The following PDE4B variants were observed in gnomAD, a reference collection of about 807,000 sequenced individuals.
The protein encoded by PDE4B is phosphodiesterase 4B.
PDE4B carries 20 observed loss-of-function variants against 82.2 expected under a neutral mutation model. The observed-to-expected ratio is 0.24, with a 90% CI of 0.17 to 0.35. The LOEUF is 0.35. Ranked by LOEUF, PDE4B falls within the 10% of genes least tolerant of loss-of-function variation. The pLI is 1.00. For synonymous variants in PDE4B, 320 were observed against 318.9 expected, an observed-to-expected ratio of 1.00 and a Z score of -0.04; for missense variants, 655 against 907.2, an observed-to-expected ratio of 0.72 and a Z score of 3.57.
At chr1:66,312,623 G>T (rs2101870376) in intron 7 of PDE4B, among the ~76,000 whole-genome samples, 1 of 152,322 alleles carries the variant, frequency 6.6e-6, no homozygotes, top group Non-Finnish European at 1.5e-5. Flanking sequence ...GCTACCTTTT[G>T]CCATAGAACA....
chr1:66,332,695 C>A, intron 8 of PDE4B, 75 bp downstream of exon 8: 1 of 1,161,576 alleles, frequency 8.6e-7, no homozygotes. Context: ...CTGTCTGCAG[C>A]AGAGTGCACC....
At chr1:66,339,422 G>C (rs1660789903) in intron 8 of PDE4B, among the ~76,000 whole-genome samples, 1 of 152,208 alleles carries the variant, frequency 6.6e-6, no homozygotes, top group African/African-American at 2.4e-5. Flanking sequence ...TTTGTAATCT[G>C]TTTTGTTTTA....
intron 3 of PDE4B, among the ~76,000 whole-genome samples, chr1:65,944,059 G>T (rs916438996): frequency 6.6e-6 from 1 of 151,824 alleles, no homozygotes; most frequent in Non-Finnish European, 1.5e-5. Flanking sequence ...CATCATTGTC[G>T]TGATTCATAT....
chr1:66,115,229 T>C (rs1461115152), intron 3 of PDE4B, among the ~76,000 whole-genome samples: 8 of 152,210 alleles, frequency 5.3e-5, no homozygotes, highest in Admixed American at 5.2e-4. Context: ...CTCAGAGCAA[T>C]GGTTCTCTTT....
intron 3 of PDE4B, among the ~76,000 whole-genome samples, chr1:66,158,975 A>C (rs892128293): frequency 2.6e-5 from 4 of 152,198 alleles, no homozygotes; most frequent in Non-Finnish European, 5.9e-5. Flanking sequence ...AGAAGTTAGC[A>C]AAAGGGTACA....
At chr1:66,014,732 G>A (rs566302925) in intron 3 of PDE4B, among the ~76,000 whole-genome samples, 13 of 152,264 alleles carry the variant, frequency 8.5e-5, no homozygotes, top group African/African-American at 3.1e-4. Context: ...AGTAGGTGGG[G>A]ACATTTTTGG....
chr1:66,063,512 CATA>C (rs1193036996), intron 3 of PDE4B, among the ~76,000 whole-genome samples: 1 of 151,894 alleles, frequency 6.6e-6, no homozygotes, highest in Non-Finnish European at 1.5e-5. Context: ...TAAATTGACA[CATA>C]ATAATTATAC....
In PDE4B at chr1:66,372,636, C is replaced by T. The variant is rs1470065608; in HGVS notation, c.2169C>T (p.Asp723=). ...PENRDSLGET[D]IDIATEDKSP... is the part of the protein sequence containing the mutation. ...ACAGAGATTCCCTGGGAGAGACTGACATAGACATTGCAACAGAAGACAAGT... is the reference window on the plus strand; with the variant it reads ...ACAGAGATTCCCTGGGAGAGACTGATATAGACATTGCAACAGAAGACAAGT... The change falls in exon 17 of 17, where the codon GAC becomes GAT. Residue 723 remains aspartate, a synonymous_variant. Coordinates refer to ENST00000341517, the MANE Select transcript of PDE4B (RefSeq NM_002600.4). 1.9e-6 allele frequency: 3 copies of T among 1,613,814 alleles called. No individual in the cohort carries two copies. In the Admixed American group the frequency reaches 5.0e-5, roughly 27 times the overall value.
At chr1:66,300,076 G>A (rs754556469) in intron 7 of PDE4B, among the ~76,000 whole-genome samples, 2 of 152,072 alleles carry the variant, frequency 1.3e-5, no homozygotes, top group African/African-American at 2.4e-5. Context: ...CTTTCTCTCT[G>A]GTGTTCGTGT....
chr1:66,257,774 T>A lies in PDE4B; in HGVS notation c.514-19T>A, dbSNP rs1382653034. 1.9e-6 allele frequency: 3 copies of A among 1,612,072 alleles called. No homozygotes were observed. Among genetic ancestry groups the A allele is most frequent in the South Asian group, 2.2e-5 (2 of 91,054 alleles). On this transcript the variant is annotated intron_variant, in intron 5 of 16. Coordinates refer to ENST00000341517, the MANE Select transcript of PDE4B (RefSeq NM_002600.4). Reference sequence around the variant, plus strand: ...TTGTCTTCTTTTGTCCTTAACCGTTTAAAACATTTTTCTTCTAGGTCCTTG... The same window carrying A: ...TTGTCTTCTTTTGTCCTTAACCGTTAAAAACATTTTTCTTCTAGGTCCTTG...
intron 7 of PDE4B, among the ~76,000 whole-genome samples, chr1:66,307,412 G>C (rs999426078): frequency 6.6e-6 from 1 of 152,138 alleles, no homozygotes; most frequent in African/African-American, 2.4e-5. Flanking sequence ...CAGGAACCAG[G>C]AGGACACTGA....
intron 3 of PDE4B, among the ~76,000 whole-genome samples, chr1:66,109,897 T>C (rs1645446269): frequency 6.6e-6 from 1 of 151,970 alleles, no homozygotes; most frequent in Admixed American, 6.6e-5. Context: ...CTATCAGACG[T>C]TGAATTAGTG....
chr1:66,105,279 G>C (rs1645323586), intron 3 of PDE4B, among the ~76,000 whole-genome samples: 1 of 148,766 alleles, frequency 6.7e-6, no homozygotes, highest in Admixed American at 6.8e-5. Flanking sequence ...TGAGGGCTCT[G>C]TTCTATTCCA....
At chr1:66,244,702 G>T (rs1414625407) in intron 3 of PDE4B, among the ~76,000 whole-genome samples, 2 of 152,170 alleles carry the variant, frequency 1.3e-5, no homozygotes, top group Non-Finnish European at 2.9e-5. Context: ...AATATGAAAG[G>T]CCATTTGTCT....
chr1:66,299,625 G>A (rs989817861), intron 7 of PDE4B, among the ~76,000 whole-genome samples: 3 of 152,106 alleles, frequency 2.0e-5, no homozygotes, highest in Admixed American at 1.3e-4. Flanking sequence ...AAGCTTTGTT[G>A]CAAAACCTCC....
At chr1:66,204,615 A>G (rs1251530033) in intron 3 of PDE4B, among the ~76,000 whole-genome samples, 1 of 152,086 alleles carries the variant, frequency 6.6e-6, no homozygotes, top group African/African-American at 2.4e-5. Flanking sequence ...CTAGCAATCA[A>G]CGAGACTCCA....
At chr1:66,103,821 A>T (rs910833646) in intron 3 of PDE4B, among the ~76,000 whole-genome samples, 1 of 152,180 alleles carries the variant, frequency 6.6e-6, no homozygotes, top group South Asian at 2.1e-4. Flanking sequence ...ATACTGAATC[A>T]TATGCTCCAT....
At chr1:66,226,523 A>G (rs762101566) in intron 3 of PDE4B, among the ~76,000 whole-genome samples, 2 of 152,226 alleles carry the variant, frequency 1.3e-5, no homozygotes, top group Admixed American at 1.3e-4. Context: ...TGAGGAATCA[A>G]TAATATGAAG....
At chr1:65,815,207 C>G (rs1428104531) in intron 1 of PDE4B, among the ~76,000 whole-genome samples, 1 of 133,102 alleles carries the variant, frequency 7.5e-6, no homozygotes, top group Non-Finnish European at 1.6e-5. Context: ...TCCCTCCCCC[C>G]TCCCCCCCAC....
Sources: gnomAD v4.1 joint callset for allele counts (sites outside exome capture counted in the v4.1 genomes callset) on GRCh38, gnomAD v4.1.1 for gene constraint, MANE v1.5 for transcripts, NCBI Gene and HGNC (gene_info 2026-07-23, HGNC 2026-07-21) for gene names.